CYB5B: variants seen among roughly 807,000 people sequenced by gnomAD.
CYB5B encodes cytochrome b5 type B (outer mitochondrial membrane).
CYB5B carries 14 observed loss-of-function variants against 21.3 expected under a neutral mutation model. The ratio of observed to expected loss-of-function variants is 0.66; its 90% CI spans 0.43 to 1.03. The LOEUF (loss-of-function observed/expected upper bound fraction) is 1.03. Ranked by LOEUF, CYB5B falls within the 50% of genes least tolerant of loss-of-function variation. The pLI, the probability that CYB5B is intolerant of heterozygous loss-of-function variation, is 0.00. For missense variants in CYB5B, 166 were observed against 185.1 expected, an observed-to-expected ratio of 0.90 and a Z score of 0.60; for synonymous variants, 69 against 68.4, an observed-to-expected ratio of 1.01 and a Z score of -0.04.
At chr16:69,426,415 G>A (rs866415101) in intron 1 of CYB5B, among the ~76,000 whole-genome samples, 4 of 127,154 alleles carry the variant, frequency 3.1e-5, no homozygotes, top group South Asian at 2.5e-4. Flanking sequence ...AAAAAAAAAA[G>A]TACTTTCCCG....
chr16:69,447,058 A>T, intron 1 of CYB5B, 92 bp from the exon 2 acceptor site: 1 of 1,428,314 alleles, frequency 7.0e-7, no homozygotes, highest in Non-Finnish European at 9.5e-7. Flanking sequence ...TATTTCTATT[A>T]AAGGGAGAAA....
At position 69,464,542 on chromosome 16, in the gene CYB5B, G is replaced by A. The variant is rs911377723; in HGVS notation, c.*2022G>A. 1 of 152,224 alleles carries A rather than the reference G, an allele frequency of 6.6e-6. No individual in the cohort carries two copies. Among genetic ancestry groups the A allele is most frequent in the Non-Finnish European group, 1.5e-5 (1 of 68,046 alleles). The allele number at this position is 152,224 out of a possible 1,614,324, so 9.4% of individuals were successfully genotyped here. On this transcript the variant is annotated 3_prime_UTR_variant, in exon 5 of 5. Transcript: ENST00000307892. Reference sequence around the variant, plus strand: ...GTAAAGAACAGAGGAGTATTGAGGAGCTTGAAAGGGAACATTCAAACTAAA... The same window carrying A: ...GTAAAGAACAGAGGAGTATTGAGGAACTTGAAAGGGAACATTCAAACTAAA...
At chr16:69,429,224 G>T (rs2014679736) in intron 1 of CYB5B, among the ~76,000 whole-genome samples, 2 of 152,126 alleles carry the variant, frequency 1.3e-5, no homozygotes, top group Admixed American at 1.3e-4. Flanking sequence ...CAGACCCAAA[G>T]AGTGAGTAGC....
intron 1 of CYB5B, among the ~76,000 whole-genome samples, chr16:69,444,525 T>A (rs1325834197): frequency 6.6e-6 from 1 of 152,140 alleles, no homozygotes; most frequent in African/African-American, 2.4e-5. Flanking sequence ...CTGGAGACTA[T>A]AGAGTTCTAA....
intron 1 of CYB5B, among the ~76,000 whole-genome samples, chr16:69,434,006 GTAT>G (rs1437092361): frequency 2.6e-5 from 4 of 152,118 alleles, no homozygotes; most frequent in African/African-American, 9.7e-5. Flanking sequence ...TAAAAATATG[GTAT>G]TATAATCTTA....
chr16:69,427,919 C>G (rs1345413109), intron 1 of CYB5B, among the ~76,000 whole-genome samples: 2 of 151,642 alleles, frequency 1.3e-5, no homozygotes, highest in East Asian at 3.9e-4. Flanking sequence ...TCGCTTGAAC[C>G]CGGGAGGTGG....
intron 3 of CYB5B, among the ~76,000 whole-genome samples, chr16:69,454,797 C>A (rs984438846): frequency 2.6e-5 from 4 of 152,174 alleles, no homozygotes; most frequent in African/African-American, 9.7e-5. Context: ...AACATAAAGT[C>A]TTTATATACC....
intron 1 of CYB5B, 102 bp downstream of exon 1, chr16:69,424,959 A>G (rs1045103690): frequency 1.6e-6 from 2 of 1,256,836 alleles, no homozygotes; most frequent in African/African-American, 1.5e-5. Context: ...GCTGGGGGCG[A>G]TAAGGCGTAA....
rs75368649 is a variant in CYB5B, at chr16:69,451,585, A to G, written c.333+3441A>G. Reference sequence around the variant, plus strand: ...CTAGTAATTTGACCTGTTCCCCATTACATTTTTTTTGAGTGAGTATTATAA... The same window carrying G: ...CTAGTAATTTGACCTGTTCCCCATTGCATTTTTTTTGAGTGAGTATTATAA... On this transcript the variant is annotated intron_variant, in intron 3 of 4. Coordinates refer to ENST00000307892, the MANE Select transcript of CYB5B (RefSeq NM_030579.3). Among the ~76,000 whole-genome samples the G allele has an allele frequency of 6.0e-3, 908 of 152,142 alleles. 63 individuals are homozygous for G. In the East Asian group the frequency reaches 0.15, roughly 26 times the overall value.
chr16:69,450,458 G>A (rs1277555624), intron 3 of CYB5B, among the ~76,000 whole-genome samples: 2 of 152,138 alleles, frequency 1.3e-5, no homozygotes, highest in Admixed American at 1.3e-4. Flanking sequence ...TGGCTATTGT[G>A]TTTCTAGTCA....
intron 1 of CYB5B, among the ~76,000 whole-genome samples, chr16:69,427,060 C>A (rs530785769): frequency 1.3e-5 from 2 of 151,950 alleles, no homozygotes; most frequent in South Asian, 2.1e-4. Flanking sequence ...GCCAACACGG[C>A]GAAACCTCGT....
chr16:69,432,858 G>T (rs569636675), intron 1 of CYB5B, among the ~76,000 whole-genome samples: 65 of 152,040 alleles, frequency 4.3e-4, no homozygotes, highest in Non-Finnish European at 8.2e-4. Flanking sequence ...GTGCAATGGC[G>T]CGATCTCAGC....
intron 1 of CYB5B, among the ~76,000 whole-genome samples, chr16:69,436,484 A>T (rs1368161632): frequency 6.6e-6 from 1 of 152,146 alleles, no homozygotes; most frequent in African/African-American, 2.4e-5. Context: ...TTTTCTTATC[A>T]GGCTCATTCT....
At chr16:69,436,531 C>A (rs2014761990) in intron 1 of CYB5B, among the ~76,000 whole-genome samples, 1 of 152,190 alleles carries the variant, frequency 6.6e-6, no homozygotes, top group Non-Finnish European at 1.5e-5. Flanking sequence ...TGCACCGTTT[C>A]CTCCTGTTCA....
At chr16:69,458,275 T>TA (rs2015000874) in intron 3 of CYB5B, among the ~76,000 whole-genome samples, 1 of 152,182 alleles carries the variant, frequency 6.6e-6, no homozygotes, top group African/African-American at 2.4e-5. Context: ...CCATATTCAT[T>TA]AGCAGTCGTT....
At chr16:69,456,590 A>G (rs1233272451) in intron 3 of CYB5B, among the ~76,000 whole-genome samples, 1 of 152,326 alleles carries the variant, frequency 6.6e-6, no homozygotes, top group East Asian at 1.9e-4. Flanking sequence ...AAATCATAGT[A>G]TTGCAATTAT....
chr16:69,448,363 CT>C (rs5817668), intron 3 of CYB5B: 42,810 of 424,878 alleles, frequency 0.1, 1 homozygote, highest in South Asian at 0.15. Context: ...CCTTTATACG[CT>C]TTTTTTTTTT....
intron 1 of CYB5B, among the ~76,000 whole-genome samples, chr16:69,431,633 A>T (rs1263507528): frequency 6.6e-6 from 1 of 152,032 alleles, no homozygotes; most frequent in South Asian, 2.1e-4. Flanking sequence ...TTAGACGAGC[A>T]TGGTGGCATG....
rs2015011232 is a variant in CYB5B at position 69,459,291 on chromosome 16, T to C, written c.362+170T>C. ...TTCCTTGACATTAGAAAAATTAACT[T>C]TTACAGTTTCAGCCATTTTGAATAA... On this transcript the variant is annotated intron_variant, in intron 4 of 4. Coordinates refer to ENST00000307892, the MANE Select transcript of CYB5B (RefSeq NM_030579.3). 3.4e-6 allele frequency: 3 copies of C among 871,654 alleles called. No homozygotes were observed. In the South Asian group the frequency reaches 7.0e-5, roughly 20 times the overall value. 54.0% of individuals were successfully genotyped at this position (871,654 alleles called of 1,614,324 possible). A position where few individuals can be genotyped will look rare whatever the true frequency, so the allele number is the denominator to read the frequency against.
Sources: allele counts gnomAD v4.1 joint callset (sites outside exome capture counted in the v4.1 genomes callset), GRCh38; gene constraint gnomAD v4.1.1; transcripts MANE v1.5; gene names NCBI Gene and HGNC (gene_info 2026-07-23, HGNC 2026-07-21).